PXDNL: variants seen among roughly 807,000 people sequenced by gnomAD.
PXDNL encodes probable oxidoreductase PXDNL.
Under a neutral mutation model 150.8 loss-of-function variants are expected in PXDNL, and 145 were observed. That is an observed-to-expected ratio of 0.96 (90% confidence interval 0.84 to 1.10). The LOEUF (loss-of-function observed/expected upper bound fraction) is 1.10. PXDNL is among the 50% of genes least tolerant of loss of function. The pLI is 0.00. For missense variants in PXDNL, 2,087 were observed against 1,873.9 expected, an observed-to-expected ratio of 1.11 and a Z score of -2.10; for synonymous variants, 757 against 725.7, an observed-to-expected ratio of 1.04 and a Z score of -0.69.
At chr8:51,515,908 C>T (rs1031688451) in intron 4 of PXDNL, among the ~76,000 whole-genome samples, 4 of 152,056 alleles carry the variant, frequency 2.6e-5, no homozygotes, top group African/African-American at 7.2e-5. Flanking sequence ...TTAAAGTACT[C>T]GTCTGGTTCA....
intron 4 of PXDNL, among the ~76,000 whole-genome samples, chr8:51,515,953 T>A (rs1203004313): frequency 1.3e-5 from 2 of 152,190 alleles, no homozygotes; most frequent in African/African-American, 4.8e-5. Flanking sequence ...TAGTAGTTTT[T>A]AAAACCCTCT....
At chr8:51,330,958 G>A (rs61485877) in intron 21 of PXDNL, among the ~76,000 whole-genome samples, 2 of 152,090 alleles carry the variant, frequency 1.3e-5, no homozygotes, top group East Asian at 1.9e-4. Flanking sequence ...AAGGACTTCC[G>A]ATAGATGATA....
intron 1 of PXDNL, among the ~76,000 whole-genome samples, chr8:51,777,787 C>G (rs1563318470): frequency 6.6e-6 from 1 of 152,146 alleles, no homozygotes; most frequent in Non-Finnish European, 1.5e-5. Flanking sequence ...CCTGTAATCC[C>G]AGCTACTCAA....
intron 5 of PXDNL, among the ~76,000 whole-genome samples, chr8:51,492,543 G>A (rs1392819194): frequency 6.6e-6 from 1 of 152,138 alleles, no homozygotes; most frequent in Admixed American, 6.5e-5. Context: ...TCAAAGAAAG[G>A]GGTGACAGAT....
chr8:51,781,318 A>C (rs910069969), intron 1 of PXDNL, among the ~76,000 whole-genome samples: 1 of 151,940 alleles, frequency 6.6e-6, no homozygotes. Flanking sequence ...GCGCACATGC[A>C]TGCATGTGGC....
At chr8:51,332,059 A>G (rs1805705577) in intron 21 of PXDNL, among the ~76,000 whole-genome samples, 2 of 152,046 alleles carry the variant, frequency 1.3e-5, no homozygotes, top group South Asian at 4.1e-4. Flanking sequence ...CAAGCTAAGA[A>G]ACGTCATGGA....
chr8:51,542,409 A>G (rs910766704), intron 4 of PXDNL, among the ~76,000 whole-genome samples: 1 of 151,960 alleles, frequency 6.6e-6, no homozygotes, highest in Non-Finnish European at 1.5e-5. Flanking sequence ...CAAATATAAT[A>G]GTATTTGGAG....
chr8:51,396,323 G>A (rs1249698011), intron 17 of PXDNL, among the ~76,000 whole-genome samples: 1 of 152,226 alleles, frequency 6.6e-6, no homozygotes, highest in Non-Finnish European at 1.5e-5. Context: ...GGATGGGGTA[G>A]TGCAGCACAG....
intron 2 of PXDNL, among the ~76,000 whole-genome samples, chr8:51,600,991 A>G (rs572908372): frequency 7.0e-6 from 1 of 141,964 alleles, no homozygotes; most frequent in Non-Finnish European, 1.5e-5. Context: ...ATTATATCTT[A>G]TATAAATTAT....
At chr8:51,478,630 G>A (rs1266169068) in intron 6 of PXDNL, among the ~76,000 whole-genome samples, 3 of 152,198 alleles carry the variant, frequency 2.0e-5, no homozygotes, top group African/African-American at 7.2e-5. Flanking sequence ...CCTTCAAAGT[G>A]CCACGCCCAG....
At position 51,408,256 on chromosome 8, in the gene PXDNL, G is replaced by A. The variant is rs765965833; in HGVS notation, c.3368C>T (p.Thr1123Ile). 1.2e-6 allele frequency: 2 copies of A among 1,614,002 alleles called. No individual in the cohort carries two copies. The highest frequency in any genetic ancestry group is 2.2e-5 in the South Asian group (2 of 91,084). Residue 1123 changes from threonine to isoleucine, a missense_variant, in exon 17 of 23, where the codon ACC becomes ATC. Transcript: ENST00000356297. ...ATAAGCCGCGGAGAAGAGCCTCTGG[G>A]TCAGCTCAGGACTGAGAAGGTAGGA... ...APSYLLSPEL[T>I]QRLFSAAYSA...
chr8:51,744,080 AG>A (rs2036942217), intron 1 of PXDNL, among the ~76,000 whole-genome samples: 2 of 94,942 alleles, frequency 2.1e-5, no homozygotes, highest in African/African-American at 4.6e-5. Context: ...GAAGGAAGGA[AG>A]GAAGGAAGGA....
intron 19 of PXDNL, among the ~76,000 whole-genome samples, chr8:51,355,205 T>C (rs2976986): frequency 6.6e-6 from 1 of 152,018 alleles, no homozygotes; most frequent in Non-Finnish European, 1.5e-5. Flanking sequence ...AGCATGAAAA[T>C]ACTACAGTGT....
Position 51,408,373 on chromosome 8 carries a change from G to T in PXDNL, c.3251C>A (p.Ala1084Glu), listed in dbSNP as rs373683927. 2 of 1,614,018 alleles carry T rather than the reference G, an allele frequency of 1.2e-6. No homozygotes were observed. The highest frequency in any genetic ancestry group is 1.7e-6 in the Non-Finnish European group (2 of 1,179,890). ...GATTATTCTGGACGGTGAAAAGAGCGCTTTATGGAACGGAAGGTGGCCTTC... is the reference window on the plus strand; with the variant it reads ...GATTATTCTGGACGGTGAAAAGAGCTCTTTATGGAACGGAAGGTGGCCTTC... ...ISEGHLPFHKALFSPSRIIKE... is the reference protein window; with the variant it reads ...ISEGHLPFHKELFSPSRIIKE... The change falls in exon 17 of 23, where the codon GCG becomes GAG. Residue 1084 changes from alanine (A) to glutamate (E), a missense_variant. Transcript: ENST00000356297.
intron 21 of PXDNL, among the ~76,000 whole-genome samples, chr8:51,322,530 A>G (rs1346823724): frequency 6.6e-6 from 1 of 152,168 alleles, no homozygotes; most frequent in Non-Finnish European, 1.5e-5. Flanking sequence ...GCAATGGGAA[A>G]TAACATCACA....
chr8:51,791,257 C>G (rs1171594264), intron 1 of PXDNL, among the ~76,000 whole-genome samples: 1 of 152,226 alleles, frequency 6.6e-6, no homozygotes, highest in Admixed American at 6.5e-5. Context: ...TAAGAGACGT[C>G]TTCTTACACA....
In PXDNL at chr8:51,408,491, T is replaced by C. The variant is rs778082068; in HGVS notation, c.3133A>G (p.Ile1045Val). ...GYNPNVNAGIINSFATAAFRF... is the reference protein window; with the variant it reads ...GYNPNVNAGIVNSFATAAFRF... ...AAGGCTGCAGTAGCAAAAGAGTTAA[T>C]GATGCCTGCATTCACGTTGGGGTTG... The change falls in exon 17 of 23, where the codon ATT (isoleucine) becomes GTT (valine). Residue 1045 changes from isoleucine (I) to valine (V), a missense_variant. By Grantham distance (29) the Ile-to-Val change is conservative. Coordinates refer to ENST00000356297, the MANE Select transcript of PXDNL (RefSeq NM_144651.5). 3 of 1,613,674 alleles carry C rather than the reference T, an allele frequency of 1.9e-6. No homozygotes were observed. The South Asian group carries it at 3.3e-5, about 18-fold the overall frequency.
intron 3 of PXDNL, among the ~76,000 whole-genome samples, chr8:51,568,201 C>G (rs984825633): frequency 6.6e-6 from 1 of 151,722 alleles, no homozygotes; most frequent in Non-Finnish European, 1.5e-5. Context: ...TATTCCTTCT[C>G]TATTGCTCCA....
rs117864041 is a variant in PXDNL at position 51,399,278 on chromosome 8, A to G, written c.3557+8789T>C. Among the ~76,000 whole-genome samples the G allele has an allele frequency of 1.7e-4, 26 of 152,336 alleles. 1 individual carries two copies. The East Asian group carries it at 4.8e-3, about 28-fold the overall frequency. Reference sequence around the variant, plus strand: ...ATCATAGGCCCACAAAAAGACGTGCATGTAAGAGTTCATCGCAGTTATTCA... The same window carrying G: ...ATCATAGGCCCACAAAAAGACGTGCGTGTAAGAGTTCATCGCAGTTATTCA... On this transcript the variant is annotated intron_variant, in intron 17 of 22. Coordinates refer to ENST00000356297, the MANE Select transcript of PXDNL (RefSeq NM_144651.5).
Sources: gnomAD v4.1 joint callset for allele counts (sites outside exome capture counted in the v4.1 genomes callset) on GRCh38, gnomAD v4.1.1 for gene constraint, MANE v1.5 for transcripts, NCBI Gene and HGNC (gene_info 2026-07-23, HGNC 2026-07-21) for gene names.